The following CDK14 variants were observed in gnomAD, a reference collection of about 807,000 sequenced individuals.
CDK14 encodes the protein cyclin dependent kinase 14, also known as cyclin-dependent kinase 14.
Under a neutral mutation model 60.7 loss-of-function variants are expected in CDK14, and 34 were observed. The observed-to-expected ratio is 0.56, with a 90% CI of 0.43 to 0.75. CDK14 has a LOEUF of 0.75. Among genes scored for constraint, CDK14 ranks in the 30% least tolerant of loss-of-function variants. The pLI is 0.00. For missense variants in CDK14, 482 were observed against 564.1 expected, an observed-to-expected ratio of 0.85 and a Z score of 1.47; for synonymous variants, 197 against 203.7, an observed-to-expected ratio of 0.97 and a Z score of 0.28.
intron 2 of CDK14, among the ~76,000 whole-genome samples, chr7:90,652,670 A>G (rs1287734485): frequency 6.6e-6 from 1 of 152,192 alleles, no homozygotes; most frequent in Non-Finnish European, 1.5e-5. Context: ...TAATAATGGT[A>G]CTTCCTGTAC....
intron 2 of CDK14, among the ~76,000 whole-genome samples, chr7:90,698,410 C>G (rs909320626): frequency 6.6e-6 from 1 of 152,122 alleles, no homozygotes; most frequent in Non-Finnish European, 1.5e-5. Context: ...AAAGGAAGAG[C>G]AGAATGGTGG....
intron 5 of CDK14, among the ~76,000 whole-genome samples, chr7:90,831,550 C>A (rs895285538): frequency 6.6e-6 from 1 of 152,128 alleles, no homozygotes; most frequent in African/African-American, 2.4e-5. Context: ...TGACTTGGCT[C>A]TTTCAGCCCC....
chr7:90,814,347 C>T (rs1789260771), intron 5 of CDK14, among the ~76,000 whole-genome samples: 1 of 151,988 alleles, frequency 6.6e-6, no homozygotes, highest in Non-Finnish European at 1.5e-5. Context: ...CCTGTCATTA[C>T]AAAAAACATG....
intron 9 of CDK14, among the ~76,000 whole-genome samples, chr7:90,975,945 G>A (rs550237439): frequency 1.3e-5 from 2 of 152,100 alleles, no homozygotes; most frequent in East Asian, 1.9e-4. Context: ...ATCTGTTGTT[G>A]AACACCTAGC....
intron 2 of CDK14, among the ~76,000 whole-genome samples, chr7:90,681,430 T>G (rs958025474): frequency 1.3e-5 from 2 of 152,156 alleles, no homozygotes; most frequent in African/African-American, 4.8e-5. Context: ...GTAACTGACC[T>G]CCATTTAACA....
At chr7:90,688,284 T>C (rs1233254052) in intron 2 of CDK14, among the ~76,000 whole-genome samples, 1 of 152,100 alleles carries the variant, frequency 6.6e-6, no homozygotes, top group East Asian at 1.9e-4. Flanking sequence ...GACCAGTGAA[T>C]ACGGATTTCT....
chr7:90,792,343 C>T (rs1024896840), intron 5 of CDK14, among the ~76,000 whole-genome samples: 1 of 152,100 alleles, frequency 6.6e-6, no homozygotes, highest in African/African-American at 2.4e-5. Context: ...ATATATCCAC[C>T]TGCCTATTTG....
intron 2 of CDK14, among the ~76,000 whole-genome samples, chr7:90,725,500 C>T (rs562933018): frequency 6.6e-6 from 1 of 152,216 alleles, no homozygotes; most frequent in East Asian, 1.9e-4. Context: ...ACCACGGACC[C>T]AAAGTGTGTA....
intron 14 of CDK14, among the ~76,000 whole-genome samples, chr7:91,198,138 C>T (rs1390456048): frequency 6.6e-6 from 1 of 152,174 alleles, no homozygotes; most frequent in African/African-American, 2.4e-5. Flanking sequence ...CACAATGTGT[C>T]ACTTCATGTC....
At chr7:90,602,634 T>G (rs539830333) in intron 1 of CDK14, among the ~76,000 whole-genome samples, 15 of 152,326 alleles carry the variant, frequency 9.8e-5, no homozygotes, top group African/African-American at 2.9e-4. Context: ...AACAGATTAT[T>G]TTAGATTTAA....
intron 5 of CDK14, among the ~76,000 whole-genome samples, chr7:90,801,253 C>T (rs966280470): frequency 2.0e-5 from 3 of 152,180 alleles, no homozygotes; most frequent in Non-Finnish European, 4.4e-5. Flanking sequence ...TGATAACACT[C>T]TTCTTTGTTT....
chr7:90,759,673 G>A (rs1224607160), intron 4 of CDK14, among the ~76,000 whole-genome samples: 1 of 152,208 alleles, frequency 6.6e-6, no homozygotes, highest in Non-Finnish European at 1.5e-5. Flanking sequence ...GTGGGTATGA[G>A]TCTTTGCTCT....
At chr7:90,658,104 T>C (rs920214443) in intron 2 of CDK14, among the ~76,000 whole-genome samples, 3 of 152,172 alleles carry the variant, frequency 2.0e-5, no homozygotes, top group African/African-American at 7.2e-5. Flanking sequence ...CAGTCACTGC[T>C]CCTCCCACAA....
chr7:90,908,341 A>C (rs2117384287), intron 7 of CDK14, among the ~76,000 whole-genome samples: 1 of 152,268 alleles, frequency 6.6e-6, no homozygotes, highest in South Asian at 2.1e-4. Flanking sequence ...TTTGTTCGTA[A>C]CAATTTGGAT....
intron 14 of CDK14, 140 bp downstream of exon 14, chr7:91,118,348 G>T: frequency 2.0e-6 from 1 of 493,866 alleles, no homozygotes; most frequent in Non-Finnish European, 3.6e-6. Flanking sequence ...CAGACCTATT[G>T]AGATAGAATG....
chr7:90,863,088 A>G, intron 5 of CDK14, 87 bp from the exon 6 acceptor site: 1 of 643,786 alleles, frequency 1.6e-6, no homozygotes, highest in Admixed American at 2.8e-5. Flanking sequence ...GATATCTCTC[A>G]TCTGACAGTG....
chr7:91,057,092 A>G (rs1425542407), intron 11 of CDK14, among the ~76,000 whole-genome samples: 1 of 152,130 alleles, frequency 6.6e-6, no homozygotes, highest in African/African-American at 2.4e-5. Context: ...CTTTTTAGTG[A>G]TTGCCATTCT....
chr7:90,596,704 G>A lies in CDK14; in HGVS notation c.77G>A (p.Ser26Asn). 1 of 1,611,908 alleles carries A rather than the reference G, an allele frequency of 6.2e-7. No homozygotes were observed. The highest frequency in any genetic ancestry group is 8.5e-7 in the Non-Finnish European group (1 of 1,179,240). ...AAGTTGCGGAGAACTTTGTCGGAGA[G>A]TTTCAGTCGCATTGGTGAGTAGCGC... The part of the protein sequence containing the change: ...MKKLRRTLSE[S>N]FSRIALKKDD... Residue 26 changes from serine to asparagine, a missense_variant, in exon 1 of 15, where the codon AGT becomes AAT. Ser to Asn is a conservative substitution (Grantham distance 46). Transcript: ENST00000380050.
At chr7:90,994,506 G>A (rs762884853) in intron 10 of CDK14, among the ~76,000 whole-genome samples, 2 of 152,180 alleles carry the variant, frequency 1.3e-5, no homozygotes, top group Non-Finnish European at 2.9e-5. Context: ...TGTCAAGAAC[G>A]CTGGGACTGT....
Sources: gnomAD v4.1 joint callset for allele counts (sites outside exome capture counted in the v4.1 genomes callset) on GRCh38, gnomAD v4.1.1 for gene constraint, MANE v1.5 for transcripts, NCBI Gene and HGNC (gene_info 2026-07-23, HGNC 2026-07-21) for gene names.